UHRF2: variants seen among roughly 807,000 people sequenced by gnomAD.
The protein encoded by UHRF2 is E3 ubiquitin-protein ligase UHRF2.
Under a neutral mutation model 96.8 loss-of-function variants are expected in UHRF2, and 23 were observed. That is an observed-to-expected ratio of 0.24 (90% CI 0.17 to 0.34). The LOEUF is 0.34. UHRF2 is among the 10% of genes least tolerant of loss of function. The probability of loss-of-function intolerance (pLI) is 1.00; values close to 1 mark genes in which losing one functional copy is unlikely to be tolerated. For synonymous variants in UHRF2, 385 were observed against 332.6 expected (o/e 1.16, Z -1.72); for missense variants, 685 against 981.5 (o/e 0.70, Z 4.04).
At chr9:6,439,221 A>G (rs868426467) in intron 3 of UHRF2, among the ~76,000 whole-genome samples, 4 of 152,156 alleles carry the variant, frequency 2.6e-5, no homozygotes, top group African/African-American at 7.2e-5. Flanking sequence ...GCCCTGCTCT[A>G]TGGCTTGGGC....
intron 2 of UHRF2, among the ~76,000 whole-genome samples, chr9:6,422,077 A>G (rs1007656471): frequency 6.6e-6 from 1 of 152,108 alleles, no homozygotes; most frequent in Admixed American, 6.5e-5. Context: ...AACCTGGTGC[A>G]TATGTTCAAG....
Position 6,506,104 on chromosome 9 carries a change from T to C in UHRF2, c.2334T>C (p.Asn778=). ...CPACRHDLGQ[N]YIMIPNEILQ... is the part of the protein sequence containing the mutation. The stretch of plus-strand genomic sequence containing the variant: ...CTTGCCGGCATGATCTTGGCCAGAA[T>C]TACATCATGATTCCCAATGAGATTC... Residue 778 remains asparagine, a synonymous_variant, in exon 16 of 16, where the codon AAT becomes AAC. Transcript: ENST00000276893. 1 of 1,614,196 alleles carries C rather than the reference T, an allele frequency of 6.2e-7. No homozygotes were observed. Among genetic ancestry groups the C allele is most frequent in the Non-Finnish European group, 8.5e-7 (1 of 1,180,038 alleles).
chr9:6,504,413 A>C, intron 14 of UHRF2, 180 bp from the exon 15 acceptor site: 5 of 417,600 alleles, frequency 1.2e-5, no homozygotes, highest in Non-Finnish European at 2.1e-5. Flanking sequence ...AAATTTTGAT[A>C]TGTTCATATA....
intron 3 of UHRF2, 114 bp from the exon 4 acceptor site, chr9:6,460,459 T>C: frequency 1.2e-6 from 1 of 849,914 alleles, no homozygotes; most frequent in South Asian, 1.8e-5. Context: ...CACTTCAACC[T>C]ATTTTACTCT....
intron 3 of UHRF2, among the ~76,000 whole-genome samples, chr9:6,438,866 G>C (rs992662006): frequency 1.3e-5 from 2 of 152,148 alleles, no homozygotes; most frequent in Non-Finnish European, 1.5e-5. Context: ...ACTCCAGTCA[G>C]AGCAGAGTTA....
Position 6,434,007 on chromosome 9 carries a change from C to T in UHRF2, c.478C>T (p.Arg160Cys), listed in dbSNP as rs1820694715. ...SVTRASDGQS[R>C]GKTPLKNGSS... is the part of the protein sequence containing the mutation. The stretch of plus-strand genomic sequence containing the variant: ...TACTAGAGCTTCTGATGGACAGTCA[C>T]GTGGCAAAACTCCACTGAAGAATGG... Residue 160 changes from arginine to cysteine, a missense_variant, in exon 3 of 16, where the codon CGT becomes TGT. Arg to Cys is a radical substitution (Grantham distance 180). Transcript: ENST00000276893. 1 of 1,614,006 alleles carries T rather than the reference C, an allele frequency of 6.2e-7. No homozygotes were observed. Among genetic ancestry groups the T allele is most frequent in the South Asian group, 1.1e-5 (1 of 91,074 alleles).
At chr9:6,445,403 A>T (rs938741767) in intron 3 of UHRF2, among the ~76,000 whole-genome samples, 1 of 152,116 alleles carries the variant, frequency 6.6e-6, no homozygotes, top group Non-Finnish European at 1.5e-5. Flanking sequence ...AACGGATTAC[A>T]GGGGCATTCC....
chr9:6,419,960 A>G (rs1819831371), intron 1 of UHRF2, among the ~76,000 whole-genome samples: 1 of 151,830 alleles, frequency 6.6e-6, no homozygotes, highest in South Asian at 2.1e-4. Context: ...GGTTACCCAT[A>G]CTGGTCTGGA....
intron 2 of UHRF2, among the ~76,000 whole-genome samples, chr9:6,428,130 C>G (rs1820359724): frequency 6.6e-6 from 1 of 152,156 alleles, no homozygotes; most frequent in Admixed American, 6.5e-5. Context: ...TTTTCTTATG[C>G]TCATTGTATA....
chr9:6,448,501 A>G (rs1208314582), intron 3 of UHRF2, among the ~76,000 whole-genome samples: 2 of 152,218 alleles, frequency 1.3e-5, no homozygotes, highest in South Asian at 2.1e-4. Flanking sequence ...TTACCGTCCA[A>G]ATAAATAACT....
At position 6,470,916 on chromosome 9, in the gene UHRF2, A is replaced by G. The variant is rs544655076; in HGVS notation, c.864-4475A>G. 2.0e-5 allele frequency among the ~76,000 whole-genome samples: 3 copies of G among 152,330 alleles called. No homozygotes were observed. The South Asian group carries it at 6.2e-4, about 32-fold the overall frequency. On this transcript the variant is annotated intron_variant, in intron 4 of 15. Coordinates refer to ENST00000276893, the MANE Select transcript of UHRF2 (RefSeq NM_152896.3). ...ACATACAGTAAAATGGCAGAAACAA[A>G]CACAACTGTATCAGCCTTTATATTA... is the stretch of plus-strand genomic sequence containing the variant.
chr9:6,428,242 T>G (rs1449768603), intron 2 of UHRF2, among the ~76,000 whole-genome samples: 1 of 152,202 alleles, frequency 6.6e-6, no homozygotes, highest in Non-Finnish European at 1.5e-5. Flanking sequence ...ATGAAATGTA[T>G]TAGACAATAC....
chr9:6,495,068 G>A (rs955050937), intron 10 of UHRF2: 8 of 152,138 alleles, frequency 5.3e-5, no homozygotes, highest in African/African-American at 1.7e-4. Context: ...CAATGAAAAT[G>A]TATCTCAAAT....
At chr9:6,497,940 G>A in intron 11 of UHRF2, 78 bp from the exon 12 acceptor site, 2 of 1,540,700 alleles carry the variant, frequency 1.3e-6, no homozygotes, top group Non-Finnish European at 1.8e-6. Flanking sequence ...TTCTGGCAAA[G>A]ATTATTTTGA....
Position 6,506,271 on chromosome 9 carries a change from A to G in UHRF2, c.*92A>G, listed in dbSNP as rs1816578537. The stretch of plus-strand genomic sequence containing the variant: ...GAGGGTGGAAGAAATGGTGGACTGT[A>G]TCTCTCACGTTCTGAAGCAGCTAAT... On this transcript the variant is annotated 3_prime_UTR_variant, in exon 16 of 16. Coordinates refer to ENST00000276893, the MANE Select transcript of UHRF2 (RefSeq NM_152896.3). 2.6e-6 allele frequency: 4 copies of G among 1,511,914 alleles called. No individual in the cohort carries two copies. The South Asian group carries it at 3.8e-5, about 14-fold the overall frequency. 93.7% of individuals were successfully genotyped at this position (1,511,914 alleles called of 1,614,324 possible).
chr9:6,474,177 C>T (rs180853991), intron 4 of UHRF2, among the ~76,000 whole-genome samples: 3 of 152,158 alleles, frequency 2.0e-5, no homozygotes, highest in East Asian at 1.9e-4. Flanking sequence ...GTGGTCACAA[C>T]GGATGTGCAT....
In UHRF2 at chr9:6,413,473, T is replaced by A; in HGVS notation, c.-18T>A. 1 of 1,525,452 alleles carries A rather than the reference T, an allele frequency of 6.6e-7. No homozygotes were observed. The highest frequency in any genetic ancestry group is 8.8e-7 in the Non-Finnish European group (1 of 1,131,498). 94.5% of individuals were successfully genotyped at this position (1,525,452 alleles called of 1,614,324 possible). A position where few individuals can be genotyped will look rare whatever the true frequency, so the allele number is the denominator to read the frequency against. On this transcript the variant is annotated 5_prime_UTR_variant, in exon 1 of 16. Coordinates refer to ENST00000276893, the MANE Select transcript of UHRF2 (RefSeq NM_152896.3). ...TCAGGGGGAGACAAAGGGGACCGGT[T>A]CCTCTCTAGGCGCCAAGATGTGGAT...
In UHRF2 at chr9:6,419,481, TAAAAA is replaced by T. The variant is rs1459814668; in HGVS notation, c.154-1429_154-1425del. On this transcript the variant is annotated intron_variant, in intron 1 of 15. Coordinates refer to ENST00000276893, the MANE Select transcript of UHRF2 (RefSeq NM_152896.3). ...TTCTTGTTTTTTTTTCTGCTTGACT[TAAAAA>T]ATAAAAACCTACTGATAATGCTTTA... 1.4e-4 allele frequency among the ~76,000 whole-genome samples: 21 copies of T among 152,170 alleles called. No homozygotes were observed. In the East Asian group the frequency reaches 3.7e-3, roughly 27 times the overall value.
Position 6,499,843 on chromosome 9 carries a change from A to G in UHRF2, c.1917A>G (p.Ala639=), listed in dbSNP as rs755829520. 7.2e-6 allele frequency: 11 copies of G among 1,536,432 alleles called. No homozygotes were observed. The highest frequency in any genetic ancestry group is 9.7e-6 in the Non-Finnish European group (11 of 1,133,552). Residue 639 remains alanine (A), a synonymous_variant, in exon 13 of 16, where the codon GCA becomes GCG. Coordinates refer to ENST00000276893, the MANE Select transcript of UHRF2 (RefSeq NM_152896.3). ...TCCTCCCCCCCCATCAGTATCCAGC[A>G]GGTTACCCTTCAGATAAAGAAGGGA... The part of the protein sequence containing the change: ...RRLCLRLQYP[A]GYPSDKEGKK...
Sources: gnomAD v4.1 joint callset for allele counts (sites outside exome capture counted in the v4.1 genomes callset) on GRCh38, gnomAD v4.1.1 for gene constraint, MANE v1.5 for transcripts, NCBI Gene and HGNC (gene_info 2026-07-23, HGNC 2026-07-21) for gene names.